The following PDE1A variants were observed in gnomAD, a reference collection of about 807,000 sequenced individuals.
PDE1A encodes dual specificity calcium/calmodulin-dependent 3',5'-cyclic nucleotide phosphodiesterase 1A.
Under a neutral mutation model 61.7 loss-of-function variants are expected in PDE1A, and 35 were observed. The observed-to-expected ratio is 0.57, with a 90% CI of 0.43 to 0.75. The LOEUF is 0.75. Among genes scored for constraint, PDE1A ranks in the 30% least tolerant of loss-of-function variants. PDE1A has a pLI of 0.00. For synonymous variants in PDE1A, 232 were observed against 213.2 expected, an observed-to-expected ratio of 1.09 and a Z score of -0.77; for missense variants, 597 against 630.6, an observed-to-expected ratio of 0.95 and a Z score of 0.57.
At chr2:182,396,476 A>C (rs895851510) in intron 1 of PDE1A, among the ~76,000 whole-genome samples, 2 of 152,272 alleles carry the variant, frequency 1.3e-5, no homozygotes, top group Non-Finnish European at 2.9e-5. Flanking sequence ...GAAGGTAGTC[A>C]TTAATACCAG....
the PDE1A span, among the ~76,000 whole-genome samples, chr2:182,552,140 A>G: frequency 6.6e-6 from 1 of 152,256 alleles, no homozygotes; most frequent in Middle Eastern, 3.4e-3. Context: ...CACATAATGA[A>G]CCCAAATATT....
At chr2:182,358,800 T>C (rs960343622) in intron 1 of PDE1A, among the ~76,000 whole-genome samples, 2 of 152,144 alleles carry the variant, frequency 1.3e-5, no homozygotes, top group Non-Finnish European at 2.9e-5. Context: ...ATGAGGAAAC[T>C]GAAGGAGAGG....
chr2:182,414,795 G>A (rs569391518), intron 1 of PDE1A, among the ~76,000 whole-genome samples: 1 of 152,136 alleles, frequency 6.6e-6, no homozygotes, highest in African/African-American at 2.4e-5. Flanking sequence ...ATGATGTGTT[G>A]GTAGGCAGGA....
intron 1 of PDE1A, among the ~76,000 whole-genome samples, chr2:182,352,023 T>C (rs1440243177): frequency 1.3e-5 from 2 of 152,196 alleles, no homozygotes; most frequent in African/African-American, 2.4e-5. Flanking sequence ...CATAAAGATG[T>C]TATGAGATAC....
intron 1 of PDE1A, among the ~76,000 whole-genome samples, chr2:182,312,418 G>T (rs1316333054): frequency 1.3e-5 from 2 of 151,954 alleles, no homozygotes; most frequent in African/African-American, 4.8e-5. Flanking sequence ...TCTCCTAGAT[G>T]TTTTATAGTT....
At chr2:182,476,274 T>G (rs1203684778) in intron 2 of PDE1A, among the ~76,000 whole-genome samples, 8 of 151,968 alleles carry the variant, frequency 5.3e-5, no homozygotes, top group African/African-American at 1.9e-4. Flanking sequence ...GTGGATCACT[T>G]GAGGTCAGGA....
chr2:182,675,995 G>T, the PDE1A span, among the ~76,000 whole-genome samples: 1 of 152,106 alleles, frequency 6.6e-6, no homozygotes, highest in Non-Finnish European at 1.5e-5. Flanking sequence ...TGTTGCAATT[G>T]CTTTTGGCAT....
chr2:182,400,680 G>T (rs749361956), intron 1 of PDE1A, among the ~76,000 whole-genome samples: 1 of 152,146 alleles, frequency 6.6e-6, no homozygotes, highest in African/African-American at 2.4e-5. Context: ...AAGAGAAAGC[G>T]GAATGATGTC....
chr2:182,281,739 G>A (rs1183345279), intron 1 of PDE1A, among the ~76,000 whole-genome samples: 1 of 151,720 alleles, frequency 6.6e-6, no homozygotes, highest in Non-Finnish European at 1.5e-5. Flanking sequence ...CCCTCTCAAC[G>A]GCTGCTTAGA....
At chr2:182,487,179 G>A (rs867369709) in intron 2 of PDE1A, among the ~76,000 whole-genome samples, 5 of 152,080 alleles carry the variant, frequency 3.3e-5, no homozygotes, top group Non-Finnish European at 7.4e-5. Context: ...CACCATCATC[G>A]GTCATTAGAG....
chr2:182,601,593 G>A, the PDE1A span, among the ~76,000 whole-genome samples: 2 of 152,194 alleles, frequency 1.3e-5, no homozygotes, highest in Admixed American at 1.3e-4. Flanking sequence ...ACAAATGGAG[G>A]GTGAGCAAGA....
At chr2:182,163,361 C>T (rs1173966170), downstream of PDE1A, among the ~76,000 whole-genome samples, 1 of 152,136 alleles carries the variant, frequency 6.6e-6, no homozygotes, top group Non-Finnish European at 1.5e-5. Flanking sequence ...AGGGGTATAC[C>T]AACCCTTCAG....
chr2:182,154,762 T>C (rs193232909), intron 13 of PDE1A, among the ~76,000 whole-genome samples: 169 of 152,298 alleles, frequency 1.1e-3, no homozygotes, highest in Non-Finnish European at 2.0e-3. Flanking sequence ...TACGTCTTTA[T>C]TAGCAGTGTG....
the PDE1A span, among the ~76,000 whole-genome samples, chr2:182,622,399 G>A: frequency 1.3e-5 from 2 of 152,108 alleles, no homozygotes; most frequent in African/African-American, 4.8e-5. Flanking sequence ...TGTCTCATTA[G>A]GTCAGAAAAT....
chr2:182,218,034 G>C (rs1270549070), intron 7 of PDE1A, among the ~76,000 whole-genome samples: 1 of 148,620 alleles, frequency 6.7e-6, no homozygotes, highest in African/African-American at 2.5e-5. Flanking sequence ...GTCCAACAAT[G>C]ATAGACTGGA....
intron 13 of PDE1A, among the ~76,000 whole-genome samples, chr2:182,175,042 G>C (rs974367693): frequency 4.7e-4 from 71 of 152,042 alleles, no homozygotes; most frequent in African/African-American, 1.6e-3. Flanking sequence ...ATGGTTTCCA[G>C]CTTCATCCAT....
chr2:182,687,901 T>C, the PDE1A span, among the ~76,000 whole-genome samples: 1 of 152,064 alleles, frequency 6.6e-6, no homozygotes, highest in African/African-American at 2.4e-5. Context: ...TCGTAGCCGA[T>C]TCGATCAACT....
At chr2:182,182,031 A>G (rs1684807015) in intron 13 of PDE1A, among the ~76,000 whole-genome samples, 1 of 152,142 alleles carries the variant, frequency 6.6e-6, no homozygotes, top group African/African-American at 2.4e-5. Context: ...TTTACACTTT[A>G]TTTTGCAGTC....
At chr2:182,569,162 G>C in the PDE1A span, among the ~76,000 whole-genome samples, 2 of 151,476 alleles carry the variant, frequency 1.3e-5, no homozygotes, top group African/African-American at 4.9e-5. Flanking sequence ...GCTGACGTGG[G>C]AGGATCACTT....
Sources: gnomAD v4.1 joint callset for allele counts (sites outside exome capture counted in the v4.1 genomes callset) on GRCh38, gnomAD v4.1.1 for gene constraint, MANE v1.5 for transcripts, NCBI Gene and HGNC (gene_info 2026-07-23, HGNC 2026-07-21) for gene names.